GRXCR1: variants seen among roughly 807,000 people sequenced by gnomAD.
The protein encoded by GRXCR1 is glutaredoxin and cysteine rich domain containing 1, also known as glutaredoxin domain-containing cysteine-rich protein 1.
Under a neutral mutation model 27.3 loss-of-function variants are expected in GRXCR1, and 27 were observed. The observed-to-expected ratio is 0.99, with a 90% CI of 0.73 to 1.37. The LOEUF is 1.37. Among genes scored for constraint, GRXCR1 ranks in the 40% most tolerant of loss-of-function variants. GRXCR1 has a pLI of 0.00. For missense variants in GRXCR1, 379 were observed against 354.4 expected (o/e 1.07, Z -0.56); for synonymous variants, 122 against 131.1 (o/e 0.93, Z 0.47).
intron 2 of GRXCR1, among the ~76,000 whole-genome samples, chr4:43,007,484 G>A (rs758075429): frequency 9.8e-5 from 15 of 152,310 alleles, no homozygotes; most frequent in African/African-American, 3.4e-4. Flanking sequence ...AGAATGACAA[G>A]TGAAGTGATC....
At chr4:42,918,924 A>C (rs1356272100) in intron 1 of GRXCR1, among the ~76,000 whole-genome samples, 1 of 152,130 alleles carries the variant, frequency 6.6e-6, no homozygotes, top group Non-Finnish European at 1.5e-5. Flanking sequence ...ATTGGGAGAG[A>C]AGTCATGTAT....
intron 2 of GRXCR1, among the ~76,000 whole-genome samples, chr4:42,982,626 G>T (rs1486919882): frequency 7.9e-6 from 1 of 125,960 alleles, no homozygotes; most frequent in Non-Finnish European, 1.7e-5. Flanking sequence ...CTGAGGAATC[G>T]CCACACTGAC....
chr4:42,991,266 A>G (rs1443799767), intron 2 of GRXCR1, among the ~76,000 whole-genome samples: 1 of 152,012 alleles, frequency 6.6e-6, no homozygotes. Context: ...ACATAATTGG[A>G]TTTTATATAT....
intron 1 of GRXCR1, among the ~76,000 whole-genome samples, chr4:42,949,146 G>A (rs1474660124): frequency 4.0e-5 from 6 of 151,796 alleles, no homozygotes; most frequent in Non-Finnish European, 8.8e-5. Context: ...ACGAGGTCAG[G>A]AGATCGAGAC....
intron 2 of GRXCR1, among the ~76,000 whole-genome samples, chr4:43,004,246 GC>G (rs1356433850): frequency 5.3e-5 from 8 of 152,376 alleles, no homozygotes; most frequent in Middle Eastern, 3.4e-3. Flanking sequence ...TGAGAGTTAA[GC>G]TTTGCGAGCT....
intron 2 of GRXCR1, among the ~76,000 whole-genome samples, chr4:42,976,720 A>G (rs569721225): frequency 6.6e-6 from 1 of 152,120 alleles, no homozygotes; most frequent in African/African-American, 2.4e-5. Context: ...TGTGTTTATC[A>G]TGTACAACAT....
At chr4:42,989,588 C>T (rs374499896) in intron 2 of GRXCR1, among the ~76,000 whole-genome samples, 6 of 152,328 alleles carry the variant, frequency 3.9e-5, no homozygotes, top group Non-Finnish European at 7.3e-5. Flanking sequence ...CTACCTGTAT[C>T]TTATCCTGCA....
intron 1 of GRXCR1, among the ~76,000 whole-genome samples, chr4:42,894,247 CTG>C (rs1053072269): frequency 3.3e-5 from 5 of 152,158 alleles, no homozygotes; most frequent in East Asian, 1.9e-4. Context: ...AATGTACAGA[CTG>C]AGATCTAGAT....
chr4:42,980,085 A>C lies in GRXCR1; in HGVS notation c.627+16951A>C, dbSNP rs377699689. 1.3e-3 allele frequency among the ~76,000 whole-genome samples: 196 copies of C among 150,656 alleles called. 1 individual carries two copies. Among genetic ancestry groups the C allele is most frequent in the African/African-American group, 4.6e-3 (187 of 41,068 alleles). On this transcript the variant is annotated intron_variant, in intron 2 of 3. Coordinates refer to ENST00000399770, the MANE Select transcript of GRXCR1 (RefSeq NM_001080476.3). ...GTCTAGCTAAAGGTTTGTTGATTTT[A>C]TTTTTTCAATAAACCAACTCAGTTT...
intron 2 of GRXCR1, among the ~76,000 whole-genome samples, chr4:42,971,117 C>T (rs1042748746): frequency 1.3e-5 from 2 of 152,100 alleles, no homozygotes; most frequent in African/African-American, 4.8e-5. Context: ...ACCTTTACTC[C>T]AGTTCCCAAA....
chr4:42,986,686 A>G (rs751917538), intron 2 of GRXCR1, among the ~76,000 whole-genome samples: 7 of 152,190 alleles, frequency 4.6e-5, no homozygotes, highest in Non-Finnish European at 1.0e-4. Context: ...ATTTAGTTGA[A>G]TAACTTAGGG....
intron 1 of GRXCR1, among the ~76,000 whole-genome samples, chr4:42,936,107 A>T (rs1023699165): frequency 2.2e-4 from 34 of 151,914 alleles, no homozygotes; most frequent in African/African-American, 7.7e-4. Context: ...AATTTGGGCA[A>T]CAAGGAGGAA....
In GRXCR1 at chr4:42,901,402, A is replaced by G. The variant is rs545602886; in HGVS notation, c.384+7752A>G. Among the ~76,000 whole-genome samples the G allele has an allele frequency of 6.8e-4, 104 of 152,226 alleles. 1 individual carries two copies. Among genetic ancestry groups the G allele is most frequent in the African/African-American group, 2.5e-3 (103 of 41,538 alleles). Reference sequence around the variant, plus strand: ...CTCTGGAGGCTTTACGGCAGAATTCATTTCTTGCATTTCTCAGCTTCCAAA... The same window carrying G: ...CTCTGGAGGCTTTACGGCAGAATTCGTTTCTTGCATTTCTCAGCTTCCAAA... On this transcript the variant is annotated intron_variant, in intron 1 of 3. Coordinates refer to ENST00000399770, the MANE Select transcript of GRXCR1 (RefSeq NM_001080476.3).
chr4:42,943,304 G>A (rs1747665216), intron 1 of GRXCR1, among the ~76,000 whole-genome samples: 1 of 152,036 alleles, frequency 6.6e-6, no homozygotes. Context: ...AAATTAGAGG[G>A]AAATATACTG....
chr4:42,912,945 AG>A (rs1746757742), intron 1 of GRXCR1, among the ~76,000 whole-genome samples: 1 of 152,070 alleles, frequency 6.6e-6, no homozygotes, highest in Non-Finnish European at 1.5e-5. Context: ...TGGTTTTATA[AG>A]GGGGTTTTAT....
chr4:42,917,698 C>T (rs1443808166), intron 1 of GRXCR1, among the ~76,000 whole-genome samples: 1 of 151,958 alleles, frequency 6.6e-6, no homozygotes, highest in Non-Finnish European at 1.5e-5. Flanking sequence ...AAGAAGCTGC[C>T]CTGGCAGAAA....
chr4:42,960,916 T>C (rs1343581860), intron 1 of GRXCR1, among the ~76,000 whole-genome samples: 1 of 151,890 alleles, frequency 6.6e-6, no homozygotes, highest in Non-Finnish European at 1.5e-5. Flanking sequence ...ATGTGTGCCA[T>C]GGTGGTTTGC....
intron 1 of GRXCR1, among the ~76,000 whole-genome samples, chr4:42,942,207 C>A (rs1317099920): frequency 1.3e-5 from 2 of 151,962 alleles, no homozygotes; most frequent in Non-Finnish European, 2.9e-5. Flanking sequence ...ATTTTGAATA[C>A]TCCAGATATG....
At chr4:42,950,390 C>A (rs1224229571) in intron 1 of GRXCR1, among the ~76,000 whole-genome samples, 1 of 152,120 alleles carries the variant, frequency 6.6e-6, no homozygotes, top group Admixed American at 6.6e-5. Flanking sequence ...GTTGTAAGCT[C>A]ATAATTTTGA....
Sources: allele counts gnomAD v4.1 joint callset (sites outside exome capture counted in the v4.1 genomes callset), GRCh38; gene constraint gnomAD v4.1.1; transcripts MANE v1.5; gene names NCBI Gene and HGNC (gene_info 2026-07-23, HGNC 2026-07-21).